Variants in OR6N1 observed in about 807,000 individuals in gnomAD.
The protein encoded by OR6N1 is olfactory receptor family 6 subfamily N member 1, also known as olfactory receptor 6N1.
For missense variants in OR6N1, 394 were observed against 371.7 expected (o/e 1.06, Z -0.49); for synonymous variants, 170 against 150.7 (o/e 1.13, Z -0.94).
the OR6N1 span, among the ~76,000 whole-genome samples, chr1:158,811,749 TA>T: frequency 6.6e-6 from 1 of 152,188 alleles, no homozygotes; most frequent in African/African-American, 2.4e-5. Context: ...ACATTCACTG[TA>T]AAAGATTTTC....
chr1:158,817,148 A>G, the OR6N1 span, among the ~76,000 whole-genome samples: 4 of 152,406 alleles, frequency 2.6e-5, no homozygotes, highest in Middle Eastern at 3.4e-3. Context: ...AGTTGCTGAC[A>G]TAAACCAGAA....
chr1:158,794,473 C>G, the OR6N1 span, among the ~76,000 whole-genome samples: 1 of 152,148 alleles, frequency 6.6e-6, no homozygotes, highest in South Asian at 2.1e-4. Flanking sequence ...TCCTCTGGGT[C>G]GAGCCACCCA....
chr1:158,776,698 C>G (rs1195832378), upstream of OR6N1: 2 of 1,602,784 alleles, frequency 1.2e-6, no homozygotes, highest in Non-Finnish European at 1.7e-6. Flanking sequence ...ATGAGCAAGA[C>G]TAGCTTTATC....
chr1:158,777,032 T>C, upstream of OR6N1: 1 of 1,614,122 alleles, frequency 6.2e-7, no homozygotes, highest in African/African-American at 1.3e-5. Context: ...AAAGCATTAA[T>C]GGCAAAGTCC....
At position 158,766,070 on chromosome 1, in the gene OR6N1, A is replaced by T. The variant is rs774712554; in HGVS notation, c.613T>A (p.Cys205Ser). ...NVLVDFVINS[C>S]KILATFLLIL... ...AGCAGGAAGGTGGCTAGGATCTTGCAGGAATTTATAACAAAATCTACTAGG... is the reference window on the plus strand; with the variant it reads ...AGCAGGAAGGTGGCTAGGATCTTGCTGGAATTTATAACAAAATCTACTAGG... The change falls in exon 2 of 2, where the codon TGC becomes AGC. Residue 205 changes from cysteine (C) to serine (S), a missense_variant. Transcript: ENST00000641846. 2.5e-6 allele frequency: 4 copies of T among 1,614,070 alleles called. No individual in the cohort carries two copies. In the South Asian group the frequency reaches 4.4e-5, roughly 18 times the overall value.
chr1:158,804,388 CATTTTGTTGT>C, the OR6N1 span, among the ~76,000 whole-genome samples: 1 of 152,164 alleles, frequency 6.6e-6, no homozygotes, highest in South Asian at 2.1e-4. Flanking sequence ...AACAAGTCAT[CATTTTGTTGT>C]ATTTTGTTAT....
chr1:158,775,942 A>G (rs1345947576), upstream of OR6N1: 1 of 152,210 alleles, frequency 6.6e-6, no homozygotes, highest in African/African-American at 2.4e-5. Context: ...AGTGTTGATA[A>G]GTAGGAAGTT....
At chr1:158,816,922 A>G in the OR6N1 span, among the ~76,000 whole-genome samples, 27,181 of 152,194 alleles carry the variant, frequency 0.18, 2,638 homozygotes, top group Admixed American at 0.26. Flanking sequence ...TTTGCAGACA[A>G]AGAGAACGCG....
At chr1:158,779,473 T>C in the OR6N1 span, among the ~76,000 whole-genome samples, 1 of 152,232 alleles carries the variant, frequency 6.6e-6, no homozygotes, top group Non-Finnish European at 1.5e-5. Context: ...AGACCAATAC[T>C]TTCCTTGCAA....
At chr1:158,788,024 C>T in the OR6N1 span, among the ~76,000 whole-genome samples, 6 of 152,216 alleles carry the variant, frequency 3.9e-5, no homozygotes, top group South Asian at 6.2e-4. Flanking sequence ...GCTAAGCCTC[C>T]TTTTGAAAGA....
At chr1:158,777,324 G>A in the OR6N1 span, 1 of 1,614,098 alleles carries the variant, frequency 6.2e-7, no homozygotes, top group Non-Finnish European at 8.5e-7. Context: ...CCAAGGAGTG[G>A]AAGAAGTAGG....
the OR6N1 span, among the ~76,000 whole-genome samples, chr1:158,779,219 A>G: frequency 2.0e-5 from 3 of 152,152 alleles, no homozygotes; most frequent in African/African-American, 7.2e-5. Context: ...AGAAAACAAT[A>G]ACAAAAATTC....
chr1:158,794,307 C>G, the OR6N1 span, among the ~76,000 whole-genome samples: 1 of 152,192 alleles, frequency 6.6e-6, no homozygotes, highest in Non-Finnish European at 1.5e-5. Flanking sequence ...CAGCACTGCA[C>G]CTGTGCCTCT....
the OR6N1 span, among the ~76,000 whole-genome samples, chr1:158,824,186 G>A: frequency 4.6e-5 from 7 of 151,978 alleles, no homozygotes; most frequent in African/African-American, 7.3e-5. Context: ...TGTCTTTCCC[G>A]TGCTGTTCTC....
the OR6N1 span, among the ~76,000 whole-genome samples, chr1:158,820,149 C>CA: frequency 3.9e-5 from 6 of 152,258 alleles, no homozygotes; most frequent in Non-Finnish European, 7.3e-5. Context: ...ACAGATCACT[C>CA]ATGCTATTGT....
intron 1 of OR6N1, among the ~76,000 whole-genome samples, chr1:158,769,112 A>ACTGTAAC: frequency 6.6e-6 from 1 of 152,312 alleles, no homozygotes; most frequent in South Asian, 2.1e-4. Flanking sequence ...GTTACAAGCC[A>ACTGTAAC]TGGGCTGGAT....
the OR6N1 span, among the ~76,000 whole-genome samples, chr1:158,835,311 A>C: frequency 6.6e-6 from 1 of 152,134 alleles, no homozygotes; most frequent in Admixed American, 6.5e-5. Flanking sequence ...AGTGTTGTAT[A>C]ATTTACCACC....
the OR6N1 span, among the ~76,000 whole-genome samples, chr1:158,785,541 T>C: frequency 6.6e-6 from 1 of 152,146 alleles, no homozygotes; most frequent in Non-Finnish European, 1.5e-5. Context: ...AAGCCACATT[T>C]TTATTTTTCT....
the OR6N1 span, among the ~76,000 whole-genome samples, chr1:158,816,470 T>C: frequency 6.6e-6 from 1 of 152,160 alleles, no homozygotes; most frequent in African/African-American, 2.4e-5. Flanking sequence ...GGCAGGCAGA[T>C]GCTTAAGTCT....
Sources: gnomAD v4.1 joint callset for allele counts (sites outside exome capture counted in the v4.1 genomes callset) on GRCh38, gnomAD v4.1.1 for gene constraint, MANE v1.5 for transcripts, NCBI Gene and HGNC (gene_info 2026-07-23, HGNC 2026-07-21) for gene names.